ADGRL3: variants seen among roughly 807,000 people sequenced by gnomAD.
ADGRL3 encodes the protein adhesion G protein-coupled receptor L3, also known as calcium-independent alpha-latrotoxin receptor 3.
ADGRL3 carries 62 observed loss-of-function variants against 153.5 expected under a neutral mutation model. The observed-to-expected ratio is 0.40, with a 90% CI of 0.33 to 0.50. The LOEUF (loss-of-function observed/expected upper bound fraction) is 0.50, where lower values mean the gene tolerates loss of function less well. Among genes scored for constraint, ADGRL3 ranks in the 20% least tolerant of loss-of-function variants. The probability of loss-of-function intolerance (pLI) is 0.47; values close to 1 mark genes in which losing one functional copy is unlikely to be tolerated. For synonymous variants in ADGRL3, 710 were observed against 672.5 expected (o/e 1.06, Z -0.86); for missense variants, 1,641 against 1,859.4 (o/e 0.88, Z 2.16).
intron 21 of ADGRL3, among the ~76,000 whole-genome samples, chr4:62,006,317 C>T (rs2099159057): frequency 6.6e-6 from 1 of 151,692 alleles, no homozygotes; most frequent in East Asian, 1.9e-4. Flanking sequence ...GCCGCGGAGC[C>T]CAGCCTACAT....
intron 6 of ADGRL3, chr4:61,677,362 A>G: frequency 2.5e-6 from 1 of 406,232 alleles, no homozygotes; most frequent in African/African-American, 2.1e-5. Context: ...CAACATTTTG[A>G]GAATTAGAAA....
intron 1 of ADGRL3, among the ~76,000 whole-genome samples, chr4:61,375,985 C>T (rs2096598130): frequency 6.6e-6 from 1 of 152,104 alleles, no homozygotes; most frequent in Non-Finnish European, 1.5e-5. Context: ...ATAAAGTATA[C>T]TGTATTCCTA....
In ADGRL3 at chr4:61,801,265, A is replaced by G. The variant is rs547205244; in HGVS notation, c.1400-12544A>G. Reference sequence around the variant, plus strand: ...CAATGGATAATGGCTTTTGGTAGGTATATGTGATTTTTTTTTCTTGAGATA... The same window carrying G: ...CAATGGATAATGGCTTTTGGTAGGTGTATGTGATTTTTTTTTCTTGAGATA... On this transcript the variant is annotated intron_variant, in intron 8 of 26. Transcript: ENST00000683033. Among the ~76,000 whole-genome samples, 3 of 152,130 alleles carry G rather than the reference A, an allele frequency of 2.0e-5. No individual in the cohort carries two copies. The East Asian group carries it at 5.8e-4, about 29-fold the overall frequency.
intron 1 of ADGRL3, among the ~76,000 whole-genome samples, chr4:61,311,067 T>C (rs542397260): frequency 1.3e-5 from 2 of 152,188 alleles, no homozygotes; most frequent in South Asian, 4.1e-4. Flanking sequence ...TCTAATGTTT[T>C]CTGAGCTCCT....
At chr4:61,331,727 C>A (rs2095577092) in intron 1 of ADGRL3, among the ~76,000 whole-genome samples, 1 of 151,984 alleles carries the variant, frequency 6.6e-6, no homozygotes. Context: ...AAGACTAACC[C>A]TAGCTGTCAA....
intron 2 of ADGRL3, among the ~76,000 whole-genome samples, chr4:61,442,500 A>G (rs1310799060): frequency 6.6e-6 from 1 of 152,200 alleles, no homozygotes; most frequent in Non-Finnish European, 1.5e-5. Flanking sequence ...AAAGCTGATC[A>G]GGGAGATCAT....
At chr4:61,505,340 T>C (rs2098420634) in intron 3 of ADGRL3, among the ~76,000 whole-genome samples, 1 of 152,146 alleles carries the variant, frequency 6.6e-6, no homozygotes, top group African/African-American at 2.4e-5. Context: ...AGATGATAGT[T>C]TGCAAATATT....
chr4:61,324,216 C>G (rs968960624), intron 1 of ADGRL3, among the ~76,000 whole-genome samples: 1 of 152,134 alleles, frequency 6.6e-6, no homozygotes, highest in Non-Finnish European at 1.5e-5. Flanking sequence ...GGTGGGGACA[C>G]AGAGCCAAAC....
intron 6 of ADGRL3, among the ~76,000 whole-genome samples, chr4:61,724,422 C>T (rs2096291180): frequency 6.6e-6 from 1 of 152,154 alleles, no homozygotes; most frequent in African/African-American, 2.4e-5. Context: ...ATCCCAGTTT[C>T]TGTAGCATCT....
At chr4:61,393,873 G>A (rs1230598278) in intron 2 of ADGRL3, among the ~76,000 whole-genome samples, 4 of 151,960 alleles carry the variant, frequency 2.6e-5, no homozygotes, top group African/African-American at 7.2e-5. Flanking sequence ...ATAAGACCTC[G>A]GCTGTGTTGT....
intron 5 of ADGRL3, among the ~76,000 whole-genome samples, chr4:61,623,552 AT>A (rs1390575655): frequency 6.6e-6 from 1 of 152,172 alleles, no homozygotes; most frequent in African/African-American, 2.4e-5. Context: ...TTCTCCAAAA[AT>A]AAAACACATT....
intron 6 of ADGRL3, among the ~76,000 whole-genome samples, chr4:61,712,563 T>C (rs1009830747): frequency 5.9e-5 from 9 of 152,168 alleles, no homozygotes; most frequent in African/African-American, 2.2e-4. Context: ...AGAAGTTGTA[T>C]GTAAAGTGCT....
chr4:61,796,956 T>C (rs1335307943), intron 8 of ADGRL3, among the ~76,000 whole-genome samples: 2 of 152,186 alleles, frequency 1.3e-5, no homozygotes, highest in Non-Finnish European at 2.9e-5. Context: ...GTAGAATTGT[T>C]TTCCCCTTAT....
intron 17 of ADGRL3, among the ~76,000 whole-genome samples, chr4:61,949,106 G>A (rs2098937108): frequency 6.6e-6 from 1 of 151,656 alleles, no homozygotes; most frequent in Admixed American, 6.6e-5. Flanking sequence ...TCAACCTGTA[G>A]AAATGTATGG....
intron 5 of ADGRL3, among the ~76,000 whole-genome samples, chr4:61,592,456 A>AAAAG (rs2098973627): frequency 5.9e-5 from 9 of 152,180 alleles, no homozygotes; most frequent in Admixed American, 5.2e-4. Flanking sequence ...CTATGTAATA[A>AAAAG]AAAGAAAGAA....
At chr4:62,061,815 A>T (rs114199872) in intron 25 of ADGRL3, among the ~76,000 whole-genome samples, 2 of 152,054 alleles carry the variant, frequency 1.3e-5, no homozygotes, top group Admixed American at 6.6e-5. Flanking sequence ...TTTGTTGACT[A>T]GTACTTCATG....
intron 19 of ADGRL3, among the ~76,000 whole-genome samples, chr4:61,993,587 A>G (rs536901654): frequency 1.3e-5 from 2 of 152,008 alleles, no homozygotes; most frequent in African/African-American, 4.8e-5. Flanking sequence ...CCACATGCCC[A>G]GCCTCCTTCA....
chr4:61,876,581 C>G (rs1300168278), intron 9 of ADGRL3, among the ~76,000 whole-genome samples: 1 of 151,842 alleles, frequency 6.6e-6, no homozygotes, highest in Non-Finnish European at 1.5e-5. Flanking sequence ...TTACAAATCA[C>G]AGATATTCAA....
intron 2 of ADGRL3, among the ~76,000 whole-genome samples, chr4:61,384,819 G>C (rs1055255457): frequency 2.0e-5 from 3 of 151,860 alleles, no homozygotes; most frequent in Non-Finnish European, 4.4e-5. Context: ...AACTGAAAAA[G>C]ACACACACAA....
Sources: allele counts gnomAD v4.1 joint callset (sites outside exome capture counted in the v4.1 genomes callset), GRCh38; gene constraint gnomAD v4.1.1; transcripts MANE v1.5; gene names NCBI Gene and HGNC (gene_info 2026-07-23, HGNC 2026-07-21).